Variants in CACNB4 observed in about 807,000 individuals in gnomAD.
CACNB4 encodes the protein calcium voltage-gated channel auxiliary subunit beta 4.
Under a neutral mutation model 71.2 loss-of-function variants are expected in CACNB4, and 32 were observed. The ratio of observed to expected loss-of-function variants is 0.45; its 90% CI spans 0.34 to 0.60. The LOEUF is 0.60. Among genes scored for constraint, CACNB4 ranks in the 20% least tolerant of loss-of-function variants. The pLI, the probability that CACNB4 is intolerant of heterozygous loss-of-function variation, is 0.01. For missense variants in CACNB4, 464 were observed against 647.9 expected (o/e 0.72, Z 3.08); for synonymous variants, 231 against 236.9 (o/e 0.97, Z 0.23).
intron 2 of CACNB4, among the ~76,000 whole-genome samples, chr2:152,076,624 C>G (rs148197159): frequency 6.6e-6 from 1 of 152,108 alleles, no homozygotes; most frequent in Non-Finnish European, 1.5e-5. Context: ...TTCAGGCACA[C>G]GTATTAAAAG....
At chr2:152,089,714 T>A (rs1400956938) in intron 2 of CACNB4, among the ~76,000 whole-genome samples, 1 of 151,834 alleles carries the variant, frequency 6.6e-6, no homozygotes, top group Non-Finnish European at 1.5e-5. Flanking sequence ...AAAGGACTGC[T>A]TGAGCCCAGC....
intron 2 of CACNB4, among the ~76,000 whole-genome samples, chr2:152,074,535 C>T (rs1286457675): frequency 1.3e-5 from 2 of 151,676 alleles, no homozygotes; most frequent in African/African-American, 2.4e-5. Flanking sequence ...ACCATCACCA[C>T]CAGCAGCACC....
At chr2:151,924,997 T>C (rs1460257806) in intron 2 of CACNB4, among the ~76,000 whole-genome samples, 1 of 152,210 alleles carries the variant, frequency 6.6e-6, no homozygotes, top group African/African-American at 2.4e-5. Context: ...TATTATGATA[T>C]GGATCATATT....
At chr2:152,046,282 A>T (rs917131127) in intron 2 of CACNB4, among the ~76,000 whole-genome samples, 2 of 152,192 alleles carry the variant, frequency 1.3e-5, no homozygotes, top group East Asian at 3.9e-4. Context: ...AACATCACCA[A>T]AATTCCTTCC....
chr2:151,994,356 T>C (rs1454388842), intron 2 of CACNB4, among the ~76,000 whole-genome samples: 1 of 150,842 alleles, frequency 6.6e-6, no homozygotes, highest in African/African-American at 2.4e-5. Context: ...TAAAGGCGTG[T>C]GCCACCACAC....
chr2:151,979,059 C>T (rs1162444156), intron 2 of CACNB4, among the ~76,000 whole-genome samples: 1 of 152,132 alleles, frequency 6.6e-6, no homozygotes, highest in African/African-American at 2.4e-5. Context: ...AATCTTGCTC[C>T]ATCATCCCCA....
intron 9 of CACNB4, among the ~76,000 whole-genome samples, chr2:151,864,008 C>T (rs976419925): frequency 6.6e-6 from 1 of 152,154 alleles, no homozygotes; most frequent in Admixed American, 6.5e-5. Flanking sequence ...ATAAAAGGCT[C>T]TCCAGAAAAG....
chr2:151,992,792 T>C (rs753348977), intron 2 of CACNB4, among the ~76,000 whole-genome samples: 3 of 152,248 alleles, frequency 2.0e-5, no homozygotes, highest in Non-Finnish European at 4.4e-5. Context: ...CTTGATGCTA[T>C]GAGCACTTAG....
chr2:152,005,239 C>T (rs915640535), intron 2 of CACNB4, among the ~76,000 whole-genome samples: 7 of 152,186 alleles, frequency 4.6e-5, no homozygotes, highest in Admixed American at 6.5e-5. Flanking sequence ...CATCGCAGTA[C>T]TATTCACAGT....
At chr2:151,899,715 C>T (rs996157762) in intron 2 of CACNB4, among the ~76,000 whole-genome samples, 1 of 152,132 alleles carries the variant, frequency 6.6e-6, no homozygotes, top group African/African-American at 2.4e-5. Flanking sequence ...CATATACCAA[C>T]CATACTCGGT....
intron 12 of CACNB4, among the ~76,000 whole-genome samples, chr2:151,846,736 G>A (rs1421440348): frequency 2.0e-5 from 3 of 151,916 alleles, no homozygotes; most frequent in African/African-American, 7.3e-5. Context: ...GTAGTTTTTG[G>A]TAGGGATGGG....
At position 151,997,309 on chromosome 2, in the gene CACNB4, C is replaced by T. The variant is rs1425794191; in HGVS notation, c.147+101021G>A. ...CAGCACTTTGGGAGGCTGAGGCAGG[C>T]GGATCACGAGGTCAGGAGATCGAGA... is the stretch of plus-strand genomic sequence containing the variant. On this transcript the variant is annotated intron_variant, in intron 2 of 13. Transcript: ENST00000539935. Among the ~76,000 whole-genome samples the T allele has an allele frequency of 6.6e-5, 10 of 151,996 alleles. No homozygotes were observed. In the East Asian group the frequency reaches 1.7e-3, roughly 27 times the overall value.
At chr2:152,042,771 G>T (rs1480534619) in intron 2 of CACNB4, among the ~76,000 whole-genome samples, 2 of 151,994 alleles carry the variant, frequency 1.3e-5, no homozygotes, top group African/African-American at 2.4e-5. Flanking sequence ...GTAAAATAAG[G>T]CCGAGACCTA....
intron 2 of CACNB4, among the ~76,000 whole-genome samples, chr2:151,995,271 C>A (rs940412637): frequency 1.3e-5 from 2 of 149,386 alleles, no homozygotes; most frequent in African/African-American, 4.9e-5. Flanking sequence ...CACTCCCAGG[C>A]CATAACAATA....
chr2:152,044,782 G>C (rs1258922743), intron 2 of CACNB4, among the ~76,000 whole-genome samples: 1 of 152,126 alleles, frequency 6.6e-6, no homozygotes, highest in East Asian at 1.9e-4. Flanking sequence ...ACCATGGCAG[G>C]TCCACAGCCT....
intron 2 of CACNB4, among the ~76,000 whole-genome samples, chr2:151,930,495 A>C (rs1027100770): frequency 6.6e-6 from 1 of 152,232 alleles, no homozygotes; most frequent in Admixed American, 6.5e-5. Context: ...AATTTAATAC[A>C]CATGACTGCA....
intron 6 of CACNB4, 81 bp from the exon 7 acceptor site, chr2:151,870,942 G>A: frequency 3.0e-6 from 3 of 1,008,364 alleles, no homozygotes; most frequent in Middle Eastern, 2.3e-4. Flanking sequence ...ATGGAAGAAT[G>A]TACCCATTTG....
At chr2:151,895,093 G>GCCC (rs1386086990) in intron 2 of CACNB4, among the ~76,000 whole-genome samples, 17 of 25,646 alleles carry the variant, frequency 6.6e-4, no homozygotes, top group Admixed American at 3.2e-3. Flanking sequence ...AACTCAAATA[G>GCCC]CCCCACACAC....
chr2:151,950,592 T>C (rs1338953081), intron 2 of CACNB4, among the ~76,000 whole-genome samples: 2 of 152,226 alleles, frequency 1.3e-5, no homozygotes, highest in Admixed American at 6.5e-5. Flanking sequence ...AGCAGATGAA[T>C]GTGGGCTATC....
Sources: allele counts gnomAD v4.1 joint callset (sites outside exome capture counted in the v4.1 genomes callset), GRCh38; gene constraint gnomAD v4.1.1; transcripts MANE v1.5; gene names NCBI Gene and HGNC (gene_info 2026-07-23, HGNC 2026-07-21).